Variants in AFG2B observed in about 807,000 individuals in gnomAD.
AFG2B encodes ATPase family gene 2 protein homolog B.
the AFG2B span, chr15:45,414,656 CT>C: frequency 1.2e-6 from 2 of 1,614,192 alleles, no homozygotes; most frequent in Non-Finnish European, 1.7e-6. Flanking sequence ...TATGGGCCCC[CT>C]GGATGTGCTA....
At chr15:45,413,221 G>A in the AFG2B span, among the ~76,000 whole-genome samples, 1 of 152,178 alleles carries the variant, frequency 6.6e-6, no homozygotes, top group Non-Finnish European at 1.5e-5. Context: ...GGCTCCCAGA[G>A]TCCTCCTCTT....
the AFG2B span, chr15:45,417,194 C>G: frequency 2.6e-6 from 4 of 1,541,864 alleles, no homozygotes; most frequent in Admixed American, 1.9e-5. Context: ...TTTAAATAGA[C>G]CTTCTGATTT....
the AFG2B span, chr15:45,403,332 C>A: frequency 6.2e-7 from 1 of 1,604,342 alleles, no homozygotes; most frequent in Non-Finnish European, 8.5e-7. Flanking sequence ...GCCTCCTCTT[C>A]CTGGACGAGA....
the AFG2B span, chr15:45,402,396 A>C: frequency 1.3e-6 from 2 of 1,558,942 alleles, no homozygotes; most frequent in Non-Finnish European, 8.6e-7. Flanking sequence ...GGGTTTCCTA[A>C]TCTGGTTTCG....
At chr15:45,404,483 TGTC>T in the AFG2B span, among the ~76,000 whole-genome samples, 48,200 of 151,838 alleles carry the variant, frequency 0.32, 8,722 homozygotes, top group East Asian at 0.83. Flanking sequence ...TTCACTAAAT[TGTC>T]GTACATGTTT....
the AFG2B span, chr15:45,403,513 C>T: frequency 6.2e-7 from 1 of 1,602,708 alleles, no homozygotes; most frequent in South Asian, 1.1e-5. Flanking sequence ...GAGATTTGAC[C>T]GAGAGGTGAA....
At chr15:45,411,783 G>A in the AFG2B span, among the ~76,000 whole-genome samples, 1 of 152,080 alleles carries the variant, frequency 6.6e-6, no homozygotes, top group African/African-American at 2.4e-5. Flanking sequence ...GCGAGATCCT[G>A]TGTCTTTAAA....
chr15:45,407,223 G>C, the AFG2B span: 1 of 1,209,540 alleles, frequency 8.3e-7, no homozygotes, highest in African/African-American at 1.6e-5. Context: ...CAACTGGGAA[G>C]GTACTGGCTC....
the AFG2B span, chr15:45,415,457 C>G: frequency 1.3e-6 from 1 of 752,556 alleles, no homozygotes; most frequent in Non-Finnish European, 2.0e-6. Flanking sequence ...GAAATCGCAT[C>G]ACTACACTCC....
the AFG2B span, among the ~76,000 whole-genome samples, chr15:45,405,074 TA>T: frequency 1.3e-5 from 2 of 152,092 alleles, no homozygotes; most frequent in African/African-American, 2.4e-5. Flanking sequence ...TATTTTGAAA[TA>T]TACGAGAAAT....
the AFG2B span, chr15:45,405,245 T>G: frequency 2.3e-4 from 321 of 1,383,882 alleles, no homozygotes; most frequent in Non-Finnish European, 2.8e-4. Context: ...CCTCCATCCA[T>G]GAGATCAACT....
the AFG2B span, among the ~76,000 whole-genome samples, chr15:45,408,386 C>A: frequency 6.6e-6 from 1 of 152,144 alleles, no homozygotes; most frequent in Non-Finnish European, 1.5e-5. Flanking sequence ...TCTGTCATCT[C>A]CATATATATG....
At chr15:45,410,410 T>G in the AFG2B span, 19 of 1,613,766 alleles carry the variant, frequency 1.2e-5, no homozygotes, top group East Asian at 1.3e-4. Context: ...TAGACTTCCT[T>G]GAAGCTTTTA....
At chr15:45,411,769 C>T in the AFG2B span, among the ~76,000 whole-genome samples, 4 of 152,062 alleles carry the variant, frequency 2.6e-5, no homozygotes, top group African/African-American at 9.7e-5. Context: ...GCTTGGGCAA[C>T]AGAGCGAGAT....
the AFG2B span, chr15:45,405,542 T>A: frequency 6.3e-7 from 1 of 1,584,466 alleles, no homozygotes; most frequent in Non-Finnish European, 8.6e-7. Context: ...TATGTTAATC[T>A]ATTATTGTAA....
chr15:45,410,826 G>T, the AFG2B span, among the ~76,000 whole-genome samples: 1 of 152,090 alleles, frequency 6.6e-6, no homozygotes, highest in Non-Finnish European at 1.5e-5. Flanking sequence ...GAGGCCAAGG[G>T]AGGAGGATTG....
At chr15:45,414,606 T>C in the AFG2B span, 94 of 1,614,172 alleles carry the variant, frequency 5.8e-5, no homozygotes, top group Middle Eastern at 9.9e-4. Context: ...CTTGGGAATT[T>C]GTTAGAATGG....
chr15:45,406,922 A>T, the AFG2B span: 2 of 955,842 alleles, frequency 2.1e-6, no homozygotes, highest in Non-Finnish European at 2.9e-6. Context: ...TTGAAGTTTT[A>T]AAGTTCTGTG....
chr15:45,415,843 G>A, the AFG2B span: 1 of 1,494,500 alleles, frequency 6.7e-7, no homozygotes, highest in South Asian at 1.2e-5. Flanking sequence ...TAAAATCCAG[G>A]CCAACATTAA....
Sources: allele counts gnomAD v4.1 joint callset (sites outside exome capture counted in the v4.1 genomes callset), GRCh38; gene constraint gnomAD v4.1.1; transcripts MANE v1.5; gene names NCBI Gene and HGNC (gene_info 2026-07-23, HGNC 2026-07-21).